BRAF: variants seen among roughly 807,000 people sequenced by gnomAD.
The protein encoded by BRAF is serine/threonine-protein kinase B-raf.
Under a neutral mutation model 104.6 loss-of-function variants are expected in BRAF, and 16 were observed. That is an observed-to-expected ratio of 0.15 (90% CI 0.10 to 0.23). The LOEUF is 0.23. BRAF is among the 10% of genes least tolerant of loss of function. The pLI is 1.00. For synonymous variants in BRAF, 310 were observed against 341.6 expected (o/e 0.91, Z 1.02); for missense variants, 541 against 937.3 (o/e 0.58, Z 5.52).
chr7:140,721,278 G>A lies in BRAF; in HGVS notation c.*5216C>T, dbSNP rs190767669. On this transcript the variant is annotated 3_prime_UTR_variant, in exon 20 of 20. Coordinates refer to ENST00000644969, the MANE Select transcript of BRAF (RefSeq NM_001374258.1). ...TACTTTAGTCACTCATTGAGTTGCC[G>A]ACTAATTGCCCCATGCATTTTTTTT... 1.1e-5 allele frequency: 13 copies of A among 1,140,190 alleles called. No homozygotes were observed. In the Admixed American group the frequency reaches 2.4e-4, roughly 21 times the overall value. 70.6% of individuals were successfully genotyped at this position (1,140,190 alleles called of 1,614,324 possible). A position where few individuals can be genotyped will look rare whatever the true frequency, so the allele number is the denominator to read the frequency against.
chr7:140,720,561 T>C lies in BRAF; in HGVS notation c.*5933A>G, dbSNP rs1378102294. The C allele has an allele frequency of 1.9e-6, 2 of 1,065,396 alleles. No homozygotes were observed. The highest frequency in any genetic ancestry group is 2.3e-6 in the Non-Finnish European group (2 of 879,480). The allele number at this position is 1,065,396 out of a possible 1,614,324, so 66.0% of individuals were successfully genotyped here. On this transcript the variant is annotated 3_prime_UTR_variant, in exon 20 of 20. Transcript: ENST00000644969. ...ATTCTTAAAAAAACCGTTCACAGCT[T>C]AGAATAAAAAGCATACTTATTGCAC...
intron 14 of BRAF, among the ~76,000 whole-genome samples, chr7:140,774,111 A>G (rs1355249607): frequency 1.3e-5 from 2 of 151,466 alleles, no homozygotes; most frequent in Non-Finnish European, 2.9e-5. Flanking sequence ...CAAAACAAAA[A>G]GAGAAAAGAA....
intron 1 of BRAF, among the ~76,000 whole-genome samples, chr7:140,882,308 C>G (rs1343623471): frequency 6.6e-6 from 1 of 151,382 alleles, no homozygotes. Flanking sequence ...CTTTAGCCAA[C>G]TTTGAGTTCA....
chr7:140,804,117 C>T (rs1352175259), intron 5 of BRAF, among the ~76,000 whole-genome samples: 1 of 152,122 alleles, frequency 6.6e-6, no homozygotes, highest in Non-Finnish European at 1.5e-5. Flanking sequence ...AAACTCCTGA[C>T]CTCAAGTGAT....
intron 1 of BRAF, among the ~76,000 whole-genome samples, chr7:140,852,504 C>G (rs1809291360): frequency 6.6e-6 from 1 of 151,970 alleles, no homozygotes; most frequent in Non-Finnish European, 1.5e-5. Context: ...ATATTAAAGT[C>G]TGAGAAGCAG....
chr7:140,849,888 T>C (rs994195309), intron 2 of BRAF, among the ~76,000 whole-genome samples: 4 of 152,044 alleles, frequency 2.6e-5, no homozygotes, highest in African/African-American at 7.2e-5. Flanking sequence ...TTATATCACT[T>C]CCCCCTTAGT....
chr7:140,880,258 C>T (rs1022263103), intron 1 of BRAF, among the ~76,000 whole-genome samples: 1 of 152,208 alleles, frequency 6.6e-6, no homozygotes, highest in African/African-American at 2.4e-5. Flanking sequence ...ACAGCATCTT[C>T]AGCAGGAGTA....
At chr7:140,810,086 G>A (rs1804080478) in intron 3 of BRAF, among the ~76,000 whole-genome samples, 1 of 152,106 alleles carries the variant, frequency 6.6e-6, no homozygotes. Flanking sequence ...TTAAATTGAG[G>A]TGCTTAGCAA....
Position 140,894,488 on chromosome 7 carries a change from A to G in BRAF, c.138+30078T>C, listed in dbSNP as rs538778879. On this transcript the variant is annotated intron_variant, in intron 1 of 19. Transcript: ENST00000644969. ...ATCTCATATGAAGAGATGGAAAAAA[A>G]TTTTTTTAATGGTAGCTGGGGAAAG... Among the ~76,000 whole-genome samples the G allele has an allele frequency of 3.9e-5, 6 of 152,234 alleles. No homozygotes were observed. The South Asian group carries it at 1.2e-3, about 32-fold the overall frequency.
chr7:140,745,630 C>T (rs2128991428), intron 17 of BRAF, among the ~76,000 whole-genome samples: 1 of 152,250 alleles, frequency 6.6e-6, no homozygotes, highest in East Asian at 1.9e-4. Context: ...TGTCAATTCA[C>T]TCCATGGTAT....
At chr7:140,843,788 G>A (rs183593909) in intron 2 of BRAF, among the ~76,000 whole-genome samples, 5 of 152,034 alleles carry the variant, frequency 3.3e-5, no homozygotes, top group African/African-American at 9.6e-5. Context: ...GGCGGATCAC[G>A]AGGTCAGGAG....
chr7:140,719,420 GT>G lies in BRAF; in HGVS notation c.*7073del, dbSNP rs1194446976. 9.9e-7 allele frequency: 1 copy of G among 1,006,164 alleles called. No homozygotes were observed. Among genetic ancestry groups the G allele is most frequent in the Admixed American group, 5.7e-5 (1 of 17,452 alleles). The allele number at this position is 1,006,164 out of a possible 1,614,324, so 62.3% of individuals were successfully genotyped here. A position where few individuals can be genotyped will look rare whatever the true frequency, so the allele number is the denominator to read the frequency against. ...CTTTTTTTGCCTTTTATATAATACAGTTTTTAAATAACTTTACACAGAAATA... is the reference window on the plus strand; with the variant it reads ...CTTTTTTTGCCTTTTATATAATACAGTTTTAAATAACTTTACACAGAAATA... On this transcript the variant is annotated 3_prime_UTR_variant, in exon 20 of 20. Transcript: ENST00000644969.
At chr7:140,734,508 G>T (rs1464012219) in intron 19 of BRAF, 1 of 1,604,574 alleles carries the variant, frequency 6.2e-7, no homozygotes, top group East Asian at 2.2e-5. Flanking sequence ...AAAAAAGAGA[G>T]TATTTTATTC....
chr7:140,813,777 T>G (rs1238952675), intron 3 of BRAF, among the ~76,000 whole-genome samples: 1 of 152,178 alleles, frequency 6.6e-6, no homozygotes, highest in African/African-American at 2.4e-5. Context: ...TTATGTATCT[T>G]ATGTATGAAG....
chr7:140,797,003 G>A (rs911381810), intron 7 of BRAF, among the ~76,000 whole-genome samples: 1 of 151,908 alleles, frequency 6.6e-6, no homozygotes, highest in African/African-American at 2.4e-5. Context: ...TCATTTCTGG[G>A]AATCGATAAA....
At position 140,755,851 on chromosome 7, in the gene BRAF, A is replaced by G. The variant is rs138215668; in HGVS notation, c.1815-1618T>C. Reference sequence around the variant, plus strand: ...GTTGGTGGAGCTAGGTCCTGCACTCAGAGAGACCTGGGATCTAGTATACAG... The same window carrying G: ...GTTGGTGGAGCTAGGTCCTGCACTCGGAGAGACCTGGGATCTAGTATACAG... On this transcript the variant is annotated intron_variant, in intron 14 of 19. Coordinates refer to ENST00000644969, the MANE Select transcript of BRAF (RefSeq NM_001374258.1). Among the ~76,000 whole-genome samples the G allele has an allele frequency of 1.6e-3, 249 of 152,060 alleles. 1 individual carries two copies. The highest frequency in any genetic ancestry group is 5.8e-3 in the African/African-American group (239 of 41,464).
chr7:140,872,386 AT>A (rs1390075971), intron 1 of BRAF, among the ~76,000 whole-genome samples: 3 of 152,260 alleles, frequency 2.0e-5, no homozygotes, highest in African/African-American at 7.2e-5. Flanking sequence ...GAAAGCTTAA[AT>A]TATGAGAGTA....
chr7:140,764,781 G>A (rs1451499451), intron 14 of BRAF, among the ~76,000 whole-genome samples: 1 of 151,080 alleles, frequency 6.6e-6, no homozygotes, highest in Non-Finnish European at 1.5e-5. Context: ...ACAAACCACT[G>A]CTCAATGAAA....
At chr7:140,870,806 A>AT (rs1164160568) in intron 1 of BRAF, among the ~76,000 whole-genome samples, 2 of 151,236 alleles carry the variant, frequency 1.3e-5, no homozygotes, top group East Asian at 1.9e-4. Context: ...TTCTTCAAGA[A>AT]TTTTTTTTCT....
Sources: gnomAD v4.1 joint callset for allele counts (sites outside exome capture counted in the v4.1 genomes callset) on GRCh38, gnomAD v4.1.1 for gene constraint, MANE v1.5 for transcripts, NCBI Gene and HGNC (gene_info 2026-07-23, HGNC 2026-07-21) for gene names.